The following HERC4 variants were observed in gnomAD, a reference collection of about 807,000 sequenced individuals.
HERC4 encodes probable E3 ubiquitin-protein ligase HERC4.
HERC4 carries 28 observed loss-of-function variants against 124.3 expected under a neutral mutation model. That is an observed-to-expected ratio of 0.23 (90% CI 0.17 to 0.31). The LOEUF is 0.31. Ranked by LOEUF, HERC4 falls within the 10% of genes least tolerant of loss-of-function variation. The pLI is 1.00. For synonymous variants in HERC4, 407 were observed against 421.5 expected (o/e 0.97, Z 0.42); for missense variants, 713 against 1,229.3 (o/e 0.58, Z 6.28).
At chr10:68,043,794 C>T (rs559416535) in intron 4 of HERC4, among the ~76,000 whole-genome samples, 2 of 152,264 alleles carry the variant, frequency 1.3e-5, no homozygotes, top group South Asian at 2.1e-4. Flanking sequence ...CCAACCCAGG[C>T]AACAGTGCGA....
intron 13 of HERC4, 54 bp from the exon 14 acceptor site, chr10:67,990,454 A>ATG: frequency 1.0e-6 from 1 of 953,372 alleles, no homozygotes; most frequent in Non-Finnish European, 1.4e-6. Flanking sequence ...TACACTTTCA[A>ATG]AGAAAAAAAA....
Position 67,992,222 on chromosome 10 carries a change from T to C in HERC4, c.1248A>G (p.Gly416=), listed in dbSNP as rs750384005. The change falls in exon 11 of 25, where the codon GGA becomes GGG. Residue 416 remains glycine, a synonymous_variant. Transcript: ENST00000373700. ...LIQKWLSYPS[G]RFPVEIANEI... is the part of the protein sequence containing the mutation. ...ACTTGGCTATCTCCACAGGAAACCT[T>C]CCAGAAGGATAGCTCAGCCATTTCT... is the stretch of plus-strand genomic sequence containing the variant. 6.2e-7 allele frequency: 1 copy of C among 1,613,960 alleles called. No individual in the cohort carries two copies. Among genetic ancestry groups the C allele is most frequent in the Non-Finnish European group, 8.5e-7 (1 of 1,179,904 alleles).
intron 15 of HERC4, among the ~76,000 whole-genome samples, chr10:67,982,056 T>C (rs570307743): frequency 6.6e-6 from 1 of 152,344 alleles, no homozygotes; most frequent in African/African-American, 2.4e-5. Flanking sequence ...ATCTACAGAT[T>C]CATTGCAATC....
chr10:68,038,289 C>A, intron 4 of HERC4, 120 bp from the exon 5 acceptor site: 3 of 429,492 alleles, frequency 7.0e-6, no homozygotes, highest in Non-Finnish European at 8.3e-6. Flanking sequence ...TATTTTTTTT[C>A]ATACAAGCTC....
chr10:67,935,327 A>G (rs1020813691), intron 22 of HERC4, among the ~76,000 whole-genome samples: 2 of 151,828 alleles, frequency 1.3e-5, no homozygotes, highest in East Asian at 1.9e-4. Flanking sequence ...CTGTATTTTT[A>G]GTAGAGATGG....
chr10:68,056,444 T>C (rs1336380508), intron 3 of HERC4, among the ~76,000 whole-genome samples: 2 of 152,158 alleles, frequency 1.3e-5, no homozygotes, highest in Non-Finnish European at 2.9e-5. Context: ...TTTTCCACCA[T>C]CCAGGAGATG....
intron 15 of HERC4, among the ~76,000 whole-genome samples, chr10:67,985,165 G>A (rs936076296): frequency 3.3e-5 from 5 of 152,222 alleles, no homozygotes; most frequent in Non-Finnish European, 5.9e-5. Context: ...TGTTCTCATA[G>A]CACTCTGCAT....
At chr10:68,042,001 T>C (rs935730694) in intron 4 of HERC4, among the ~76,000 whole-genome samples, 4 of 152,250 alleles carry the variant, frequency 2.6e-5, no homozygotes, top group Admixed American at 2.6e-4. Flanking sequence ...ATGCGAATCT[T>C]CACTTTTCTG....
In HERC4 at chr10:68,062,647, C is replaced by A. The variant is rs557668234; in HGVS notation, c.226+10236G>T. 2.6e-5 allele frequency among the ~76,000 whole-genome samples: 4 copies of A among 152,004 alleles called. No individual in the cohort carries two copies. In the South Asian group the frequency reaches 8.3e-4, roughly 32 times the overall value. Reference sequence around the variant, plus strand: ...TGGTGGTGGGTGCCTGTAATCCCAGCTACTCAGGAGGCTGAGGCAGGAGAA... The same window carrying A: ...TGGTGGTGGGTGCCTGTAATCCCAGATACTCAGGAGGCTGAGGCAGGAGAA... On this transcript the variant is annotated intron_variant, in intron 3 of 24. Transcript: ENST00000373700.
At position 67,956,604 on chromosome 10, in the gene HERC4, G is replaced by A. The variant is rs143896818; in HGVS notation, c.2025+274C>T. The A allele has an allele frequency of 3.1e-3, 695 of 221,826 alleles. 5 individuals carry two copies. The highest frequency in any genetic ancestry group is 0.015 in the African/African-American group (647 of 43,994). 13.7% of individuals were successfully genotyped at this position (221,826 alleles called of 1,614,324 possible). A position where few individuals can be genotyped will look rare whatever the true frequency, so the allele number is the denominator to read the frequency against. The stretch of plus-strand genomic sequence containing the variant: ...TCTTATCAAGTAAACTAGTAAAACG[G>A]TTTATAAAGATTGAATATTTCTGTA... On this transcript the variant is annotated intron_variant, in intron 17 of 24. Coordinates refer to ENST00000373700, the MANE Select transcript of HERC4 (RefSeq NM_015601.4).
intron 5 of HERC4, among the ~76,000 whole-genome samples, chr10:68,035,166 T>TC (rs1234354981): frequency 6.6e-6 from 1 of 151,896 alleles, no homozygotes; most frequent in East Asian, 1.9e-4. Context: ...CTTTTTTTTT[T>TC]TTTTTTGAGA....
intron 4 of HERC4, chr10:68,040,610 G>A (rs956912361): frequency 3.3e-6 from 1 of 299,598 alleles, no homozygotes; most frequent in Non-Finnish European, 4.9e-6. Context: ...CAAAAGAAAG[G>A]CTGGGCGTGG....
chr10:67,956,603 G>GTTTGAAAA (rs2034156254), intron 17 of HERC4: 1 of 215,842 alleles, frequency 4.6e-6, no homozygotes, highest in African/African-American at 2.3e-5. Flanking sequence ...CTAGTAAAAC[G>GTTTGAAAA]GTTTATAAAG....
In HERC4 at chr10:67,990,906, G is replaced by T; in HGVS notation, c.1441C>A (p.Gln481Lys). 1 of 1,577,784 alleles carries T rather than the reference G, an allele frequency of 6.3e-7. No individual in the cohort carries two copies. Among genetic ancestry groups the T allele is most frequent in the Non-Finnish European group, 8.7e-7 (1 of 1,154,570 alleles). ...AACATAATACTTTAAAAACAGACCTGCTGAGATATCTGCGGATGATCAGGT... is the reference window on the plus strand; with the variant it reads ...AACATAATACTTTAAAAACAGACCTTCTGAGATATCTGCGGATGATCAGGT... ...IQPDHPQISQ[Q>K]VAASLEKNLI... The change falls in exon 13 of 25, where the codon CAG (glutamine) becomes AAG (lysine). Residue 481 changes from glutamine (Q) to lysine (K), a missense_variant and splice_region_variant. By Grantham distance (53) the Gln-to-Lys change is moderately conservative. Coordinates refer to ENST00000373700, the MANE Select transcript of HERC4 (RefSeq NM_015601.4).
At chr10:67,954,764 A>C (rs776255290) in intron 18 of HERC4, 26 bp from the exon 19 acceptor site, 2 of 1,603,434 alleles carry the variant, frequency 1.2e-6, no homozygotes, top group South Asian at 2.2e-5. Flanking sequence ...GCAAACACCA[A>C]ATAGACTGTA....
chr10:67,941,988 T>TGTACTTTTTAATGGCTG (rs2032948912), intron 19 of HERC4, among the ~76,000 whole-genome samples: 1 of 152,094 alleles, frequency 6.6e-6, no homozygotes, highest in Non-Finnish European at 1.5e-5. Flanking sequence ...GCATATTGTA[T>TGTACTTTTTAATGGCTG]CATAAAAGTA....
intron 16 of HERC4, among the ~76,000 whole-genome samples, 180 bp from the exon 17 acceptor site, chr10:67,957,156 C>G (rs193141666): frequency 6.6e-6 from 1 of 152,138 alleles, no homozygotes; most frequent in African/African-American, 2.4e-5. Flanking sequence ...TTGGAATGAA[C>G]CCAATTCCCA....
intron 3 of HERC4, among the ~76,000 whole-genome samples, chr10:68,048,265 GA>G (rs2040116109): frequency 6.6e-6 from 1 of 152,228 alleles, no homozygotes; most frequent in East Asian, 1.9e-4. Context: ...CCAAAACCCA[GA>G]AGCATCCAAG....
chr10:67,943,310 A>T (rs1307717229), intron 19 of HERC4, among the ~76,000 whole-genome samples: 1 of 152,248 alleles, frequency 6.6e-6, no homozygotes, highest in Admixed American at 6.5e-5. Context: ...GAAGGAGGAA[A>T]AATGGTATAA....
Sources: gnomAD v4.1 joint callset for allele counts (sites outside exome capture counted in the v4.1 genomes callset) on GRCh38, gnomAD v4.1.1 for gene constraint, MANE v1.5 for transcripts, NCBI Gene and HGNC (gene_info 2026-07-23, HGNC 2026-07-21) for gene names.